ABLIM2: variants seen among roughly 807,000 people sequenced by gnomAD.
ABLIM2 encodes actin binding LIM protein family member 2.
A neutral mutation model predicts 97.7 loss-of-function variants in ABLIM2; 53 were observed. That is an observed-to-expected ratio of 0.54 (90% CI 0.44 to 0.68). The LOEUF is 0.68. Among genes scored for constraint, ABLIM2 ranks in the 30% least tolerant of loss-of-function variants. The pLI is 0.00. For missense variants in ABLIM2, 835 were observed against 867.2 expected, an observed-to-expected ratio of 0.96 and a Z score of 0.47; for synonymous variants, 361 against 345.8, an observed-to-expected ratio of 1.04 and a Z score of -0.49.
intron 2 of ABLIM2, among the ~76,000 whole-genome samples, chr4:8,099,262 G>A (rs1214326900): frequency 1.3e-5 from 2 of 152,252 alleles, no homozygotes; most frequent in Non-Finnish European, 2.9e-5. Context: ...ATAGTATTCT[G>A]ATGTCAGCGC....
At chr4:8,077,785 C>G in intron 5 of ABLIM2, 64 bp from the exon 6 acceptor site, 4 of 1,386,552 alleles carry the variant, frequency 2.9e-6, no homozygotes, top group Non-Finnish European at 4.0e-6. Context: ...GATCTAACAA[C>G]CCTCACCAAC....
intron 4 of ABLIM2, among the ~76,000 whole-genome samples, chr4:8,086,491 G>A (rs1015283371): frequency 8.5e-5 from 13 of 152,082 alleles, no homozygotes; most frequent in African/African-American, 2.7e-4. Flanking sequence ...GGGACTACAG[G>A]TGGGCACTAC....
intron 3 of ABLIM2, among the ~76,000 whole-genome samples, chr4:8,093,596 C>G (rs1829990705): frequency 6.6e-6 from 1 of 152,208 alleles, no homozygotes; most frequent in African/African-American, 2.4e-5. Flanking sequence ...TACCCTTTAG[C>G]AGTCTTGCCT....
chr4:8,055,061 C>T (rs200619139), intron 7 of ABLIM2, among the ~76,000 whole-genome samples: 1 of 147,888 alleles, frequency 6.8e-6, no homozygotes, highest in African/African-American at 2.5e-5. Flanking sequence ...TTTTTTTTTT[C>T]CACCTAAGAA....
At chr4:8,118,075 A>G (rs1214454164) in intron 1 of ABLIM2, among the ~76,000 whole-genome samples, 1 of 152,232 alleles carries the variant, frequency 6.6e-6, no homozygotes, top group Admixed American at 6.5e-5. Context: ...TTCTCCCAGG[A>G]AAGTCACCAC....
At chr4:8,107,473 G>A (rs1838039342) in intron 1 of ABLIM2, among the ~76,000 whole-genome samples, 1 of 152,258 alleles carries the variant, frequency 6.6e-6, no homozygotes, top group Non-Finnish European at 1.5e-5. Flanking sequence ...TTTGAAGCTT[G>A]AGGAGGAGTT....
intron 6 of ABLIM2, among the ~76,000 whole-genome samples, chr4:8,070,234 T>C (rs1239046452): frequency 1.3e-5 from 2 of 151,230 alleles, no homozygotes; most frequent in Admixed American, 1.3e-4. Flanking sequence ...CTGTGTTTTG[T>C]CCTGTGTCTC....
At position 8,132,805 on chromosome 4, in the gene ABLIM2, C is replaced by T. The variant is rs114624392; in HGVS notation, c.10+25875G>A. ...GTAAATGGGGATACCACGGACTGGG[C>T]TGCAGGGAGACTAAATGAGATGATG... On this transcript the variant is annotated intron_variant, in intron 1 of 20. Transcript: ENST00000447017. This position sits in a 1 kb window ranked among gnomAD's most constrained non-coding sequence, Gnocchi z 8.0. 0.038 allele frequency among the ~76,000 whole-genome samples: 5,860 copies of T among 152,266 alleles called. 372 individuals are homozygous for T. Among genetic ancestry groups the T allele is most frequent in the African/African-American group, 0.13 (5,429 of 41,534 alleles).
rs946387806 is a variant in ABLIM2, at chr4:8,130,545, G to A, written c.11-23908C>T. Among the ~76,000 whole-genome samples the A allele has an allele frequency of 6.6e-6, 1 of 152,110 alleles. No individual in the cohort carries two copies. Among genetic ancestry groups the A allele is most frequent in the African/African-American group, 2.4e-5 (1 of 41,430 alleles). On this transcript the variant is annotated intron_variant, in intron 1 of 20. Coordinates refer to ENST00000447017, the MANE Select transcript of ABLIM2 (RefSeq NM_001130083.2). This position sits in a 1 kb window ranked among gnomAD's most constrained non-coding sequence, Gnocchi z 4.2. ...AGCTTCCCCGAGACACTGTGAGGTG[G>A]CGCCACGCTTGGCCCCGCATTACTG...
intron 10 of ABLIM2, among the ~76,000 whole-genome samples, chr4:8,031,709 G>C (rs1781016427): frequency 6.6e-6 from 1 of 150,762 alleles, no homozygotes; most frequent in Admixed American, 6.7e-5. Context: ...GTCGTGGTGG[G>C]GGATGAATAA....
Position 8,077,721 on chromosome 4 carries a change from C to T in ABLIM2, c.582G>A (p.Lys194=). 4 of 1,610,562 alleles carry T rather than the reference C, an allele frequency of 2.5e-6. No homozygotes were observed. Among genetic ancestry groups the T allele is most frequent in the Non-Finnish European group, 3.4e-6 (4 of 1,178,180 alleles). The change falls in exon 6 of 21, where the codon AAG becomes AAA. Residue 194 remains lysine, a splice_region_variant and synonymous_variant. Transcript: ENST00000447017. The part of the protein sequence containing the change: ...GKLLNAEYIS[K]DGLPYCEADY... ...CAGCTTCGCAGTAGGGCAGCCCATC[C>T]CTGCAATGAGACAGGCAGTCAACAC...
At chr4:8,138,760 T>C (rs1332378968) in intron 1 of ABLIM2, among the ~76,000 whole-genome samples, 5 of 152,180 alleles carry the variant, frequency 3.3e-5, no homozygotes, top group Admixed American at 6.5e-5. Context: ...ATAAAAACCC[T>C]AGAAGAAAAT....
At position 8,127,473 on chromosome 4, in the gene ABLIM2, C is replaced by G. The variant is rs953371251; in HGVS notation, c.11-20836G>C. The G allele has an allele frequency of 7.8e-7, 1 of 1,285,574 alleles. No individual in the cohort carries two copies. Among genetic ancestry groups the G allele is most frequent in the Non-Finnish European group, 1.0e-6 (1 of 985,516 alleles). The allele number at this position is 1,285,574 out of a possible 1,614,324, so 79.6% of individuals were successfully genotyped here. A position where few individuals can be genotyped will look rare whatever the true frequency, so the allele number is the denominator to read the frequency against. ...ATTCATGGAGCTCACAGCTCCCAGTCCCCTGAAGCTGACTCATGGAGCTCA... is the reference window on the plus strand; with the variant it reads ...ATTCATGGAGCTCACAGCTCCCAGTGCCCTGAAGCTGACTCATGGAGCTCA... On this transcript the variant is annotated intron_variant, in intron 1 of 20. Coordinates refer to ENST00000447017, the MANE Select transcript of ABLIM2 (RefSeq NM_001130083.2). This position sits in a 1 kb window ranked among gnomAD's most constrained non-coding sequence, Gnocchi z 7.3.
chr4:8,125,498 T>C lies in ABLIM2; in HGVS notation c.11-18861A>G, dbSNP rs919628237. On this transcript the variant is annotated intron_variant, in intron 1 of 20. Transcript: ENST00000447017. The surrounding 1 kb of genome is among the most constrained non-coding windows in gnomAD (Gnocchi z 6.2). ...TTTGCCTGGGGCCTTGGTGCCAGAC[T>C]GCTTCTGGGATGGCTCTGCCATCAG... Among the ~76,000 whole-genome samples the C allele has an allele frequency of 2.0e-4, 30 of 152,220 alleles. No individual in the cohort carries two copies.
At chr4:8,018,048 C>T (rs1770759302) in intron 14 of ABLIM2, among the ~76,000 whole-genome samples, 1 of 151,708 alleles carries the variant, frequency 6.6e-6, no homozygotes, top group South Asian at 2.1e-4. Flanking sequence ...TCTAATCTCT[C>T]CACTGGATGG....
rs760205657 is a variant in ABLIM2, at chr4:8,088,295, A to G, written c.339-11T>C. 1.9e-5 allele frequency: 31 copies of G among 1,607,674 alleles called. No individual in the cohort carries two copies. The South Asian group carries it at 3.3e-4, about 17-fold the overall frequency. Reference sequence around the variant, plus strand: ...GGGGGGAAGGGCAGCCTGAAACAAGAGAGCTCGTTACCAGCCAGGCCCACC... The same window carrying G: ...GGGGGGAAGGGCAGCCTGAAACAAGGGAGCTCGTTACCAGCCAGGCCCACC... On this transcript the variant is annotated splice_polypyrimidine_tract_variant and intron_variant, in intron 3 of 20. Transcript: ENST00000447017.
rs748510722 is a variant in ABLIM2 at position 8,127,601 on chromosome 4, G to C, written c.11-20964C>G. On this transcript the variant is annotated intron_variant, in intron 1 of 20. Transcript: ENST00000447017. This position sits in a 1 kb window ranked among gnomAD's most constrained non-coding sequence, Gnocchi z 7.3. ...CGTGGCTGCTTGCAAAGGGCCAGCG[G>C]GTCGGCGGCTCTCCCTCTGCGTGGC... The C allele has an allele frequency of 2.3e-6, 3 of 1,289,642 alleles. No homozygotes were observed. In the South Asian group the frequency reaches 3.7e-5, roughly 16 times the overall value. The allele number at this position is 1,289,642 out of a possible 1,614,324, so 79.9% of individuals were successfully genotyped here. A position where few individuals can be genotyped will look rare whatever the true frequency, so the allele number is the denominator to read the frequency against.
In ABLIM2 at chr4:8,085,567, G is replaced by A. The variant is rs1822970133; in HGVS notation, c.454+2602C>T. Among the ~76,000 whole-genome samples the A allele has an allele frequency of 6.7e-6, 1 of 149,292 alleles. No homozygotes were observed. Among genetic ancestry groups the A allele is most frequent in the South Asian group, 2.1e-4 (1 of 4,668 alleles). On this transcript the variant is annotated intron_variant, in intron 4 of 20. Coordinates refer to ENST00000447017, the MANE Select transcript of ABLIM2 (RefSeq NM_001130083.2). This position sits in a 1 kb window ranked among gnomAD's most constrained non-coding sequence, Gnocchi z 6.1. ...CCCGTCCACTCACATGGCTCTGGGG[G>A]TGCCCACGCTGCAGCCCCGTCCACT...
In ABLIM2 at chr4:8,046,694, T is replaced by G. The variant is rs1792669154; in HGVS notation, c.823-1453A>C. On this transcript the variant is annotated intron_variant, in intron 8 of 20. Transcript: ENST00000447017. The surrounding 1 kb of genome is among the most constrained non-coding windows in gnomAD (Gnocchi z 4.4). ...GGAGGCACCACAGTGGATGGGCTGA[T>G]CTGTGTCCACATTCGTAGGTTGAAT... is the stretch of plus-strand genomic sequence containing the variant. Among the ~76,000 whole-genome samples, 2 of 152,228 alleles carry G rather than the reference T, an allele frequency of 1.3e-5. No homozygotes were observed. The highest frequency in any genetic ancestry group is 4.8e-5 in the African/African-American group (2 of 41,454).
Sources: allele counts gnomAD v4.1 joint callset (sites outside exome capture counted in the v4.1 genomes callset), GRCh38; gene constraint gnomAD v4.1.1; non-coding constraint Gnocchi (gnomAD v3.1); transcripts MANE v1.5; gene names NCBI Gene and HGNC (gene_info 2026-07-23, HGNC 2026-07-21).